EML6: variants seen among roughly 807,000 people sequenced by gnomAD.
The protein encoded by EML6 is echinoderm microtubule-associated protein-like 6.
In EML6, 154 loss-of-function variants were observed where a neutral mutation model predicts 240.1. The observed-to-expected ratio is 0.64, with a 90% CI of 0.56 to 0.73. The LOEUF is 0.73. Among genes scored for constraint, EML6 ranks in the 30% least tolerant of loss-of-function variants. The probability of loss-of-function intolerance (pLI) is 0.00; values close to 1 mark genes in which losing one functional copy is unlikely to be tolerated. For synonymous variants in EML6, 1,148 were observed against 899.0 expected (o/e 1.28, Z -4.95); for missense variants, 2,964 against 2,474.6 (o/e 1.20, Z -4.20).
intron 2 of EML6, among the ~76,000 whole-genome samples, chr2:54,797,167 A>AAAAAAAAAAAAAAACAAAAAAC (rs1669838775): frequency 8.8e-6 from 1 of 114,090 alleles, no homozygotes; most frequent in Admixed American, 8.4e-5. Flanking sequence ...TCCATCTCAA[A>AAAAAAAAAAAAAAACAAAAAAC]AAAAAAAAAA....
intron 22 of EML6, 97 bp from the exon 23 acceptor site, chr2:54,902,947 T>C (rs1673137004): frequency 5.2e-6 from 6 of 1,144,270 alleles, no homozygotes; most frequent in South Asian, 3.1e-5. Context: ...CACGTGTCCA[T>C]ACATAATGCA....
chr2:54,840,483 C>T (rs1402097632), intron 7 of EML6, among the ~76,000 whole-genome samples: 1 of 152,182 alleles, frequency 6.6e-6, no homozygotes. Flanking sequence ...TGTCTGGCCC[C>T]TTTTTCAAAT....
intron 28 of EML6, among the ~76,000 whole-genome samples, chr2:54,932,487 C>G (rs1674914701): frequency 6.6e-6 from 1 of 152,198 alleles, no homozygotes; most frequent in East Asian, 1.9e-4. Context: ...ACCTTCCCAC[C>G]TCTCAAGTGC....
intron 2 of EML6, among the ~76,000 whole-genome samples, chr2:54,773,807 T>C (rs1183382231): frequency 1.3e-5 from 2 of 152,176 alleles, no homozygotes; most frequent in Non-Finnish European, 2.9e-5. Context: ...AATTAGCGCT[T>C]CTCCTAAGGA....
chr2:54,876,349 G>C (rs1453868962), intron 16 of EML6, among the ~76,000 whole-genome samples: 1 of 152,258 alleles, frequency 6.6e-6, no homozygotes, highest in Middle Eastern at 3.4e-3. Flanking sequence ...CCAAAAAAGA[G>C]GTATGGCTGT....
intron 2 of EML6, among the ~76,000 whole-genome samples, chr2:54,804,722 C>A (rs564352258): frequency 6.6e-4 from 101 of 152,330 alleles, no homozygotes; most frequent in East Asian, 1.4e-3. Context: ...TTTGCCCCTG[C>A]TCTAGTCTTT....
At chr2:54,921,966 A>G (rs939256711) in intron 26 of EML6, among the ~76,000 whole-genome samples, 4 of 152,190 alleles carry the variant, frequency 2.6e-5, no homozygotes, top group South Asian at 2.1e-4. Context: ...ATGAAATCAT[A>G]CAACTCCTAG....
intron 35 of EML6, 49 bp downstream of exon 35, chr2:54,960,383 G>A: frequency 7.3e-7 from 1 of 1,374,900 alleles, no homozygotes; most frequent in Non-Finnish European, 1.0e-6. Context: ...AGGGGGAAGT[G>A]TAGGTACCCT....
At chr2:54,827,375 C>G (rs1170128332) in intron 5 of EML6, among the ~76,000 whole-genome samples, 191 bp from the exon 6 acceptor site, 1 of 152,104 alleles carries the variant, frequency 6.6e-6, no homozygotes, top group South Asian at 2.1e-4. Context: ...ATAGGCTTTT[C>G]TTATGTTCCT....
At chr2:54,766,515 A>G (rs1239974319) in intron 2 of EML6, among the ~76,000 whole-genome samples, 3 of 152,210 alleles carry the variant, frequency 2.0e-5, no homozygotes, top group Non-Finnish European at 2.9e-5. Flanking sequence ...TTCTTAGTAC[A>G]TAATATCAGG....
At chr2:54,827,272 C>T (rs1019892986) in intron 5 of EML6, among the ~76,000 whole-genome samples, 2 of 152,150 alleles carry the variant, frequency 1.3e-5, no homozygotes, top group Admixed American at 6.5e-5. Flanking sequence ...CACTTGATTC[C>T]AACTCTGAGA....
intron 2 of EML6, among the ~76,000 whole-genome samples, chr2:54,789,436 C>G (rs933045330): frequency 2.2e-5 from 3 of 136,490 alleles, no homozygotes; most frequent in Non-Finnish European, 4.6e-5. Context: ...ATGGCGTGAA[C>G]CCGGGAGGCG....
chr2:54,782,454 G>A (rs868130230), intron 2 of EML6, among the ~76,000 whole-genome samples: 1 of 152,184 alleles, frequency 6.6e-6, no homozygotes, highest in African/African-American at 2.4e-5. Context: ...CTAAATTGGG[G>A]CTATTTTATT....
chr2:54,827,499 A>C (rs1195154064), intron 5 of EML6, 67 bp from the exon 6 acceptor site: 1 of 1,306,286 alleles, frequency 7.7e-7, no homozygotes, highest in Non-Finnish European at 1.1e-6. Flanking sequence ...CTGAAGTATA[A>C]ATAAACACCA....
chr2:54,793,926 G>C (rs1030409506), intron 2 of EML6, among the ~76,000 whole-genome samples: 1 of 152,192 alleles, frequency 6.6e-6, no homozygotes, highest in Non-Finnish European at 1.5e-5. Context: ...TTCTCAAAGA[G>C]AAAGTGTCTA....
chr2:54,916,906 T>A lies in EML6; in HGVS notation c.3646T>A (p.Phe1216Ile). 6.5e-7 allele frequency: 1 copy of A among 1,547,868 alleles called. No homozygotes were observed. Among genetic ancestry groups the A allele is most frequent in the Non-Finnish European group, 8.7e-7 (1 of 1,143,750 alleles). The change falls in exon 26 of 42, where the codon TTC becomes ATC. Residue 1216 changes from phenylalanine (F) to isoleucine (I), a missense_variant. Physicochemically the swap from Phe to Ile is conservative, Grantham distance 21. Coordinates refer to ENST00000356458, the MANE Select transcript of EML6 (RefSeq NM_001039753.4). ...SLLATGDDFG[F>I]VKLFSYPVKG... ...TTTAGCCACCGGAGATGATTTTGGT[T>A]TCGTTAAGCTTTTTTCATATCCTGT...
At chr2:54,822,805 T>C (rs1572953798) in intron 5 of EML6, among the ~76,000 whole-genome samples, 1 of 152,198 alleles carries the variant, frequency 6.6e-6, no homozygotes, top group Admixed American at 6.5e-5. Flanking sequence ...TGTAAAATTA[T>C]TTTACAACAA....
intron 28 of EML6, among the ~76,000 whole-genome samples, chr2:54,930,085 T>C (rs1241381777): frequency 2.6e-5 from 4 of 152,136 alleles, no homozygotes; most frequent in Non-Finnish European, 5.9e-5. Context: ...ATTCATTCCT[T>C]TGGAAAAAAA....
intron 28 of EML6, among the ~76,000 whole-genome samples, chr2:54,937,126 A>G (rs1675177446): frequency 6.6e-6 from 1 of 151,988 alleles, no homozygotes; most frequent in South Asian, 2.1e-4. Flanking sequence ...CTAAACATAT[A>G]AAATTAGCTG....
Sources: allele counts gnomAD v4.1 joint callset (sites outside exome capture counted in the v4.1 genomes callset), GRCh38; gene constraint gnomAD v4.1.1; transcripts MANE v1.5; gene names NCBI Gene and HGNC (gene_info 2026-07-23, HGNC 2026-07-21).